The following HMCN2 variants were observed in gnomAD, a reference collection of about 807,000 sequenced individuals.
HMCN2 encodes the protein hemicentin 2, also known as hemicentin-2.
Under a neutral mutation model 377.5 loss-of-function variants are expected in HMCN2, and 325 were observed. The ratio of observed to expected loss-of-function variants is 0.86; its 90% CI spans 0.79 to 0.94. The LOEUF (loss-of-function observed/expected upper bound fraction) is 0.94, where lower values mean the gene tolerates loss of function less well. Among genes scored for constraint, HMCN2 ranks in the 40% least tolerant of loss-of-function variants. The probability of loss-of-function intolerance (pLI) is 0.00; values close to 1 mark genes in which losing one functional copy is unlikely to be tolerated. For missense variants in HMCN2, 4,543 were observed against 4,725.3 expected (o/e 0.96, Z 1.13); for synonymous variants, 2,007 against 2,046.8 (o/e 0.98, Z 0.53).
intron 86 of HMCN2, 55 bp downstream of exon 86, chr9:130,419,096 T>C (rs922348057): frequency 2.2e-5 from 31 of 1,438,844 alleles, no homozygotes; most frequent in Non-Finnish European, 2.8e-5. Flanking sequence ...CTCTTGCCGA[T>C]GGGGATTGTG....
intron 59 of HMCN2, 46 bp from the exon 60 acceptor site, chr9:130,385,513 GC>G: frequency 8.0e-7 from 1 of 1,243,944 alleles, no homozygotes. Flanking sequence ...AGTGGGGAGG[GC>G]GCAGGGACAG....
At position 130,361,665 on chromosome 9, in the gene HMCN2, G is replaced by A. The variant is rs893218188; in HGVS notation, c.5951-343G>A. On this transcript the variant is annotated intron_variant, in intron 38 of 97. Coordinates refer to ENST00000683500, the MANE Select transcript of HMCN2 (RefSeq NM_001291815.2). The surrounding 1 kb of genome is among the most constrained non-coding windows in gnomAD (Gnocchi z 4.8). ...TCTCACACCCCTGAGTTAGGAAGTA[G>A]CACTGTCCAGGGACCCTTGGTCCCC... Among the ~76,000 whole-genome samples the A allele has an allele frequency of 5.9e-5, 9 of 152,234 alleles. No homozygotes were observed. The East Asian group carries it at 1.7e-3, about 29-fold the overall frequency.
chr9:130,265,951 G>A lies in HMCN2; in HGVS notation c.73G>A (p.Ala25Thr). ...GGCAGTGGCAGTGGCAGTGGCCGGG[G>A]CGCCCGGGACGGTAATGCCCCCCAC... Reference protein sequence around the residue: ...SAAVAVAVAGAPGTVMPPTTG... With the variant: ...SAAVAVAVAGTPGTVMPPTTG... The change falls in exon 1 of 98, where the codon GCG (alanine) becomes ACG (threonine). Residue 25 changes from alanine to threonine, a missense_variant. Physicochemically the swap from Ala to Thr is moderately conservative, Grantham distance 58. Transcript: ENST00000683500. The A allele has an allele frequency of 2.2e-6, 1 of 450,116 alleles. No homozygotes were observed. 27.9% of individuals were successfully genotyped at this position (450,116 alleles called of 1,614,324 possible). A position where few individuals can be genotyped will look rare whatever the true frequency, so the allele number is the denominator to read the frequency against.
At chr9:130,381,871 C>G (rs898702824) in intron 54 of HMCN2, among the ~76,000 whole-genome samples, 1 of 152,132 alleles carries the variant, frequency 6.6e-6, no homozygotes, top group East Asian at 1.9e-4. Context: ...TGCTGTCACC[C>G]CCAGCACTGC....
rs1327701185 is a variant in HMCN2 at position 130,424,766 on chromosome 9, C to G, written c.13382-10C>G. 1 of 1,530,668 alleles carries G rather than the reference C, an allele frequency of 6.5e-7. No homozygotes were observed. Among genetic ancestry groups the G allele is most frequent in the African/African-American group, 1.4e-5 (1 of 72,304 alleles). The allele number at this position is 1,530,668 out of a possible 1,614,324, so 94.8% of individuals were successfully genotyped here. ...GCTCTAACCCGGCCTCTATGCCCTG[C>G]CCCACCCAGGGCCTCTGATGCGGGT... On this transcript the variant is annotated splice_polypyrimidine_tract_variant and intron_variant, in intron 87 of 97. Coordinates refer to ENST00000683500, the MANE Select transcript of HMCN2 (RefSeq NM_001291815.2).
At chr9:130,432,656 T>G (rs1844832721) in intron 97 of HMCN2, 101 bp downstream of exon 97, 1 of 1,302,322 alleles carries the variant, frequency 7.7e-7, no homozygotes, top group African/African-American at 1.5e-5. Context: ...CCCACACAAG[T>G]GATGCAGGCA....
In HMCN2 at chr9:130,395,201, C is replaced by A; in HGVS notation, c.10775-10C>A. ...CCCTCTCATATCCTCTTGTGCCACC[C>A]CCTTCCCAGCCCCTCCAAACATTGT... On this transcript the variant is annotated splice_polypyrimidine_tract_variant and intron_variant, in intron 70 of 97. Coordinates refer to ENST00000683500, the MANE Select transcript of HMCN2 (RefSeq NM_001291815.2). The A allele has an allele frequency of 1.6e-6, 2 of 1,287,260 alleles. No homozygotes were observed. The highest frequency in any genetic ancestry group is 2.0e-6 in the Non-Finnish European group (2 of 987,604). The allele number at this position is 1,287,260 out of a possible 1,614,324, so 79.7% of individuals were successfully genotyped here. A position where few individuals can be genotyped will look rare whatever the true frequency, so the allele number is the denominator to read the frequency against.
intron 19 of HMCN2, among the ~76,000 whole-genome samples, chr9:130,322,945 G>C (rs1409301923): frequency 6.6e-6 from 1 of 152,182 alleles, no homozygotes; most frequent in African/African-American, 2.4e-5. Flanking sequence ...AAGAACGCGC[G>C]TTCCCCATTT....
Position 130,398,711 on chromosome 9 carries a change from A to T in HMCN2, c.11483+4A>T. Reference sequence around the variant, plus strand: ...GCCTGCAGCAGGGCGCCTACCGGTAACGAGCTGGACTTTGCGGTGGCTTCC... The same window carrying T: ...GCCTGCAGCAGGGCGCCTACCGGTATCGAGCTGGACTTTGCGGTGGCTTCC... On this transcript the variant is annotated splice_donor_region_variant and intron_variant, in intron 75 of 97. Transcript: ENST00000683500. 1 of 1,288,602 alleles carries T rather than the reference A, an allele frequency of 7.8e-7. No individual in the cohort carries two copies. The highest frequency in any genetic ancestry group is 1.0e-6 in the Non-Finnish European group (1 of 988,056). The allele number at this position is 1,288,602 out of a possible 1,614,324, so 79.8% of individuals were successfully genotyped here. A position where few individuals can be genotyped will look rare whatever the true frequency, so the allele number is the denominator to read the frequency against.
rs926457726 is a variant in HMCN2 at position 130,388,680 on chromosome 9, C to G, written c.9523+140C>G. ...ACTGGCAGTGCCGTGTTGCCCCCCC[C>G]CCCACCATTTGTGTTTGAGTGAAGC... On this transcript the variant is annotated intron_variant, in intron 62 of 97. Coordinates refer to ENST00000683500, the MANE Select transcript of HMCN2 (RefSeq NM_001291815.2). 7.6e-5 allele frequency: 29 copies of G among 382,212 alleles called. No individual in the cohort carries two copies. In the East Asian group the frequency reaches 8.4e-4, roughly 11 times the overall value. 23.7% of individuals were successfully genotyped at this position (382,212 alleles called of 1,614,324 possible).
In HMCN2 at chr9:130,304,068, G is replaced by A. The variant is rs1333977188; in HGVS notation, c.1543+460G>A. Among the ~76,000 whole-genome samples, 1 of 152,222 alleles carries A rather than the reference G, an allele frequency of 6.6e-6. No homozygotes were observed. The highest frequency in any genetic ancestry group is 6.5e-5 in the Admixed American group (1 of 15,276). On this transcript the variant is annotated intron_variant, in intron 10 of 97. Transcript: ENST00000683500. The surrounding 1 kb of genome is among the most constrained non-coding windows in gnomAD (Gnocchi z 4.3). ...TAGAGAAAAAAAGGAACCCGTAAGC[G>A]TGGAAAGATCAGCCACTCTACATAG...
rs1200153954 is a variant in HMCN2, at chr9:130,360,466, T to C, written c.5812T>C (p.Trp1938Arg). Residue 1938 changes from tryptophan to arginine, a missense_variant, in exon 38 of 98, where the codon TGG becomes CGG. Physicochemically the swap from Trp to Arg is moderately radical, Grantham distance 101. Coordinates refer to ENST00000683500, the MANE Select transcript of HMCN2 (RefSeq NM_001291815.2). This position sits in a 1 kb window ranked among gnomAD's most constrained non-coding sequence, Gnocchi z 4.7. The part of the protein sequence containing the change: ...WFKGHQPVSS[W>R]MGVTVSVDGR... Reference sequence around the variant, plus strand: ...CAAGGGCCACCAACCTGTCTCTTCATGGATGGGAGTGACAGTATCAGTGGA... The same window carrying C: ...CAAGGGCCACCAACCTGTCTCTTCACGGATGGGAGTGACAGTATCAGTGGA... 10 of 1,303,460 alleles carry C rather than the reference T, an allele frequency of 7.7e-6. No homozygotes were observed. The African/African-American group carries it at 1.2e-4, about 16-fold the overall frequency. The allele number at this position is 1,303,460 out of a possible 1,614,324, so 80.7% of individuals were successfully genotyped here. A position where few individuals can be genotyped will look rare whatever the true frequency, so the allele number is the denominator to read the frequency against.
At chr9:130,331,007 A>C (rs1247030945) in intron 22 of HMCN2, among the ~76,000 whole-genome samples, 1 of 150,796 alleles carries the variant, frequency 6.6e-6, no homozygotes, top group Non-Finnish European at 1.5e-5. Flanking sequence ...ACACACACAC[A>C]AATAGCCGGA....
chr9:130,333,317 G>A (rs1838525770), intron 22 of HMCN2, among the ~76,000 whole-genome samples: 3 of 152,294 alleles, frequency 2.0e-5, no homozygotes, highest in South Asian at 4.2e-4. Flanking sequence ...GCTTCCCTGA[G>A]TGCAGCAAAG....
chr9:130,355,139 G>T (rs1284542531), intron 32 of HMCN2, 95 bp downstream of exon 32: 2 of 1,032,970 alleles, frequency 1.9e-6, no homozygotes, highest in East Asian at 1.2e-4. Flanking sequence ...TGGAGTGGAG[G>T]GAGGGTGGGG....
intron 19 of HMCN2, among the ~76,000 whole-genome samples, chr9:130,324,054 G>A (rs1208012467): frequency 2.0e-5 from 3 of 152,192 alleles, no homozygotes; most frequent in Middle Eastern, 3.2e-3. Flanking sequence ...ATCATTTGAC[G>A]ATGTTTAGGT....
At chr9:130,429,206 C>T (rs146202577) in intron 93 of HMCN2, 99 of 248,436 alleles carry the variant, frequency 4.0e-4, no homozygotes, top group African/African-American at 2.0e-3. Flanking sequence ...CTCCTCACCA[C>T]GACCCCATGA....
rs1840231279 is a variant in HMCN2 at position 130,359,323 on chromosome 9, C to G, written c.5682C>G (p.Pro1894=). 8.4e-6 allele frequency: 11 copies of G among 1,302,862 alleles called. No homozygotes were observed. Among genetic ancestry groups the G allele is most frequent in the Middle Eastern group, 2.1e-4 (1 of 4,692 alleles). The allele number at this position is 1,302,862 out of a possible 1,614,324, so 80.7% of individuals were successfully genotyped here. A position where few individuals can be genotyped will look rare whatever the true frequency, so the allele number is the denominator to read the frequency against. ...KREVALKVLV[P]PNIEPGPVNK... is the part of the protein sequence containing the mutation. ...TCTCTCCTTGTCTCCCCCTAGTGCC[C>G]CCCAACATCGAGCCAGGCCCAGTCA... Residue 1894 remains proline, a synonymous_variant, in exon 37 of 98, where the codon CCC becomes CCG. Transcript: ENST00000683500.
chr9:130,405,540 G>C lies in HMCN2; in HGVS notation c.12340-415G>C, dbSNP rs11244196. 1.9e-4 allele frequency among the ~76,000 whole-genome samples: 29 copies of C among 151,842 alleles called. No homozygotes were observed. In the East Asian group the frequency reaches 5.3e-3, roughly 28 times the overall value. On this transcript the variant is annotated intron_variant, in intron 81 of 97. Transcript: ENST00000683500. ...TAGAGGGGTCAGAGGCATTGGACCC[G>C]GCCACCCAGGGAGCCTGGGGGTGCA...
Sources: gnomAD v4.1 joint callset for allele counts (sites outside exome capture counted in the v4.1 genomes callset) on GRCh38, gnomAD v4.1.1 for gene constraint, Gnocchi (gnomAD v3.1) non-coding constraint, MANE v1.5 for transcripts, NCBI Gene and HGNC (gene_info 2026-07-23, HGNC 2026-07-21) for gene names.